The following FRAS1 variants were observed in gnomAD, a reference collection of about 807,000 sequenced individuals.
FRAS1 encodes Fraser extracellular matrix complex subunit 1, also known as extracellular matrix organizing protein FRAS1.
FRAS1 carries 290 observed loss-of-function variants against 435.2 expected under a neutral mutation model. That is an observed-to-expected ratio of 0.67 (90% CI 0.61 to 0.73). The LOEUF (loss-of-function observed/expected upper bound fraction) is 0.73. FRAS1 is among the 30% of genes least tolerant of loss of function. The pLI, the probability that FRAS1 is intolerant of heterozygous loss-of-function variation, is 0.00. For synonymous variants in FRAS1, 1,800 were observed against 1,851.0 expected, an observed-to-expected ratio of 0.97 and a Z score of 0.71; for missense variants, 4,860 against 5,001.5, an observed-to-expected ratio of 0.97 and a Z score of 0.85.
chr4:78,063,561 C>A (rs1739855002), intron 1 of FRAS1, among the ~76,000 whole-genome samples: 1 of 152,204 alleles, frequency 6.6e-6, no homozygotes, highest in Non-Finnish European at 1.5e-5. Flanking sequence ...TTCAGCAGCT[C>A]TACACCATTT....
rs192075597 is a variant in FRAS1, at chr4:78,329,617, A to G, written c.2138-3655A>G. Among the ~76,000 whole-genome samples the G allele has an allele frequency of 4.1e-4, 63 of 152,322 alleles. 2 individuals carry two copies. In the South Asian group the frequency reaches 6.4e-3, roughly 16 times the overall value. On this transcript the variant is annotated intron_variant, in intron 18 of 73. Transcript: ENST00000512123. ...AGACAGTCTGTTATGTGGCTTGGAGATGGGGTAGTGAGTCTCGAGTACCAC... is the reference window on the plus strand; with the variant it reads ...AGACAGTCTGTTATGTGGCTTGGAGGTGGGGTAGTGAGTCTCGAGTACCAC...
intron 14 of FRAS1, among the ~76,000 whole-genome samples, chr4:78,293,670 A>G (rs1728009444): frequency 6.6e-6 from 1 of 152,156 alleles, no homozygotes; most frequent in African/African-American, 2.4e-5. Flanking sequence ...GCCTTCCTAG[A>G]ATGTAAGTTT....
chr4:78,301,845 A>G (rs1349558232), intron 14 of FRAS1, among the ~76,000 whole-genome samples: 2 of 85,302 alleles, frequency 2.3e-5, no homozygotes, highest in Non-Finnish European at 4.5e-5. Flanking sequence ...CCACAGAAAC[A>G]GTTTTTTTTT....
At chr4:78,208,104 G>A (rs928406771) in intron 2 of FRAS1, among the ~76,000 whole-genome samples, 3 of 152,118 alleles carry the variant, frequency 2.0e-5, no homozygotes, top group East Asian at 1.9e-4. Context: ...ACCTACAGAC[G>A]GTTCATATCA....
At chr4:78,515,734 A>G (rs77815169) in intron 65 of FRAS1, 65 bp from the exon 66 acceptor site, 265,204 of 1,482,444 alleles carry the variant, frequency 0.18, 27,044 homozygotes, top group Non-Finnish European at 0.21. Flanking sequence ...TGAGCTCTTC[A>G]CCCCACCCTG....
At chr4:78,327,639 C>T (rs1266925282) in intron 18 of FRAS1, among the ~76,000 whole-genome samples, 1 of 152,154 alleles carries the variant, frequency 6.6e-6, no homozygotes, top group Non-Finnish European at 1.5e-5. Context: ...TAGCCATCAA[C>T]TGGAAAGGCA....
intron 55 of FRAS1, 82 bp from the exon 56 acceptor site, chr4:78,479,292 C>G (rs1366065767): frequency 2.1e-5 from 19 of 922,544 alleles, no homozygotes; most frequent in Non-Finnish European, 2.8e-5. Flanking sequence ...TGGGAGGGAC[C>G]AAGCTCATTA....
At position 78,182,085 on chromosome 4, in the gene FRAS1, C is replaced by T. The variant is rs1016585451; in HGVS notation, c.109-55425C>T. The T allele has an allele frequency of 1.2e-5, 17 of 1,463,388 alleles. No individual in the cohort carries two copies. In the African/African-American group the frequency reaches 1.7e-4, roughly 15 times the overall value. The allele number at this position is 1,463,388 out of a possible 1,614,324, so 90.7% of individuals were successfully genotyped here. A position where few individuals can be genotyped will look rare whatever the true frequency, so the allele number is the denominator to read the frequency against. ...CGGCGGGTTCCTCTACGGATTGCAG[C>T]GGGCCGCGCCGAGCCAAGAGCGCCT... On this transcript the variant is annotated intron_variant, in intron 2 of 73. Transcript: ENST00000512123.
chr4:78,484,729 C>T (rs1720117563), intron 58 of FRAS1, among the ~76,000 whole-genome samples: 1 of 152,156 alleles, frequency 6.6e-6, no homozygotes, highest in South Asian at 2.1e-4. Flanking sequence ...ATCTCACTTG[C>T]TCATAACCCC....
At position 78,451,883 on chromosome 4, in the gene FRAS1, G is replaced by A. The variant is rs2109835923; in HGVS notation, c.6575G>A (p.Ser2192Asn). 6.2e-7 allele frequency: 1 copy of A among 1,611,564 alleles called. No homozygotes were observed. Among genetic ancestry groups the A allele is most frequent in the African/African-American group, 1.3e-5 (1 of 74,960 alleles). The change falls in exon 46 of 74, where the codon AGC becomes AAC. Residue 2192 changes from serine (S) to asparagine (N), a missense_variant. By Grantham distance (46) the Ser-to-Asn change is conservative. Coordinates refer to ENST00000512123, the MANE Select transcript of FRAS1 (RefSeq NM_025074.7). ...TTGATTGACAAGTCATTTTCCATCA[G>A]CATTCTAGGTAAAGAGACATTTGAT... is the stretch of plus-strand genomic sequence containing the variant. ...NRLIDKSFSI[S>N]ILEDKSPPVI...
At chr4:78,302,187 T>C (rs2110209018) in intron 14 of FRAS1, among the ~76,000 whole-genome samples, 1 of 141,744 alleles carries the variant, frequency 7.1e-6, no homozygotes, top group Middle Eastern at 3.4e-3. Flanking sequence ...CATGAACTCA[T>C]CATTTTTTTA....
chr4:78,264,024 T>C (rs1020986950), intron 6 of FRAS1, among the ~76,000 whole-genome samples: 1 of 152,236 alleles, frequency 6.6e-6, no homozygotes, highest in Non-Finnish European at 1.5e-5. Context: ...AAATTGTGTT[T>C]TCTACTCCTC....
chr4:78,462,700 C>T (rs931282914), intron 47 of FRAS1, among the ~76,000 whole-genome samples: 8 of 152,102 alleles, frequency 5.3e-5, no homozygotes, highest in African/African-American at 1.9e-4. Flanking sequence ...GATTTCTGTC[C>T]AGAGCCAAAA....
intron 58 of FRAS1, among the ~76,000 whole-genome samples, chr4:78,483,680 C>G (rs531290724): frequency 6.7e-6 from 1 of 150,196 alleles, no homozygotes; most frequent in African/African-American, 2.4e-5. Context: ...TCTTTCTACC[C>G]CTATCTCCCA....
At chr4:78,101,826 T>C (rs1742147580) in intron 2 of FRAS1, among the ~76,000 whole-genome samples, 1 of 152,124 alleles carries the variant, frequency 6.6e-6, no homozygotes, top group East Asian at 1.9e-4. Flanking sequence ...TAAATGAGGG[T>C]TCTATAACAA....
intron 30 of FRAS1, among the ~76,000 whole-genome samples, chr4:78,403,450 A>AG (rs1484771136): frequency 6.6e-6 from 1 of 152,178 alleles, no homozygotes; most frequent in East Asian, 1.9e-4. Flanking sequence ...GAAACCATTC[A>AG]GGAGTGAAAT....
chr4:78,060,702 A>G (rs1057097823), intron 1 of FRAS1, among the ~76,000 whole-genome samples: 1 of 152,208 alleles, frequency 6.6e-6, no homozygotes, highest in Non-Finnish European at 1.5e-5. Flanking sequence ...TCTTTGCGCT[A>G]TAGTTCTGTC....
At chr4:78,267,959 C>A (rs1223682507) in intron 9 of FRAS1, among the ~76,000 whole-genome samples, 1 of 152,236 alleles carries the variant, frequency 6.6e-6, no homozygotes, top group African/African-American at 2.4e-5. Flanking sequence ...ACTCCATTGA[C>A]CTCTGTTAAC....
At chr4:78,515,067 CAA>C (rs34507669) in intron 65 of FRAS1, among the ~76,000 whole-genome samples, 2 of 136,524 alleles carry the variant, frequency 1.5e-5, no homozygotes, top group African/African-American at 2.8e-5. Flanking sequence ...GACTCCATCT[CAA>C]AAAAAAAAAA....
Sources: allele counts gnomAD v4.1 joint callset (sites outside exome capture counted in the v4.1 genomes callset), GRCh38; gene constraint gnomAD v4.1.1; transcripts MANE v1.5; gene names NCBI Gene and HGNC (gene_info 2026-07-23, HGNC 2026-07-21).